Variants in WNK1 observed in about 807,000 individuals in gnomAD.
WNK1 encodes the protein WNK lysine deficient protein kinase 1, also known as serine/threonine-protein kinase WNK1.
In WNK1, 38 loss-of-function variants were observed where a neutral mutation model predicts 222.8. That is an observed-to-expected ratio of 0.17 (90% confidence interval 0.13 to 0.22). The LOEUF (loss-of-function observed/expected upper bound fraction) is 0.22, where lower values mean the gene tolerates loss of function less well. Among genes scored for constraint, WNK1 ranks in the 10% least tolerant of loss-of-function variants. The pLI, the probability that WNK1 is intolerant of heterozygous loss-of-function variation, is 1.00. For synonymous variants in WNK1, 1,090 were observed against 1,092.9 expected (o/e 1.00, Z 0.05); for missense variants, 2,348 against 2,918.4 (o/e 0.80, Z 4.50).
chr12:834,800 A>G (rs1949056367), intron 4 of WNK1, among the ~76,000 whole-genome samples: 1 of 152,170 alleles, frequency 6.6e-6, no homozygotes, highest in Admixed American at 6.5e-5. Context: ...GTGTAGAATG[A>G]AAGATGGCCT....
intron 1 of WNK1, among the ~76,000 whole-genome samples, chr12:770,709 G>A (rs1942372973): frequency 6.6e-6 from 1 of 152,082 alleles, no homozygotes; most frequent in African/African-American, 2.4e-5. Flanking sequence ...CAGAAATTTG[G>A]GGTTTTAAAC....
At chr12:757,706 C>T (rs1659706963) in intron 1 of WNK1, among the ~76,000 whole-genome samples, 1 of 121,130 alleles carries the variant, frequency 8.3e-6, no homozygotes, top group African/African-American at 2.6e-5. Context: ...AGAAAGGGAT[C>T]TGGTTTTTCA....
intron 9 of WNK1, among the ~76,000 whole-genome samples, chr12:872,021 C>T (rs1366842409): frequency 6.6e-6 from 1 of 152,198 alleles, no homozygotes; most frequent in Admixed American, 6.5e-5. Flanking sequence ...TAATCCTGCA[C>T]TTCTTTTTAA....
At position 832,685 on chromosome 12, in the gene WNK1, A is replaced by C. The variant is rs905144724; in HGVS notation, c.1311+2525A>C. Among the ~76,000 whole-genome samples the C allele has an allele frequency of 7.9e-5, 12 of 152,212 alleles. No individual in the cohort carries two copies. In the East Asian group the frequency reaches 2.3e-3, roughly 29 times the overall value. On this transcript the variant is annotated intron_variant, in intron 4 of 27. Coordinates refer to ENST00000315939, the MANE Select transcript of WNK1 (RefSeq NM_018979.4). ...TTTGTAATTGGGATGGTATTTTGTC[A>C]GTTATTATTATTAGGTGTATGTCTA...
intron 26 of WNK1, chr12:906,337 A>G: frequency 6.1e-6 from 6 of 985,296 alleles, no homozygotes; most frequent in Non-Finnish European, 7.2e-6. Flanking sequence ...AGCAGAGCCG[A>G]AATCAGGCAG....
intron 4 of WNK1, among the ~76,000 whole-genome samples, chr12:850,263 A>T (rs1312934876): frequency 6.6e-6 from 1 of 151,912 alleles, no homozygotes; most frequent in Non-Finnish European, 1.5e-5. Flanking sequence ...CGCCATTCTA[A>T]CTGGTGTGAG....
At chr12:873,943 G>A (rs1952387934) in intron 9 of WNK1, among the ~76,000 whole-genome samples, 1 of 151,910 alleles carries the variant, frequency 6.6e-6, no homozygotes, top group South Asian at 2.1e-4. Context: ...CTCGTATAGT[G>A]ATATACTAGA....
chr12:781,087 T>C (rs1279378704), intron 1 of WNK1: 1 of 142,264 alleles, frequency 7.0e-6, no homozygotes, highest in African/African-American at 2.5e-5. Context: ...AGCTGTTTTT[T>C]GTTTTATTTC....
chr12:871,892 C>T (rs1952185502), intron 9 of WNK1, among the ~76,000 whole-genome samples: 1 of 152,104 alleles, frequency 6.6e-6, no homozygotes, highest in Non-Finnish European at 1.5e-5. Flanking sequence ...CATGCGCCAC[C>T]TCACCCAGCC....
Position 867,100 on chromosome 12 carries a change from G to A in WNK1, c.2140-4165G>A, listed in dbSNP as rs565583487. Among the ~76,000 whole-genome samples, 15 of 152,234 alleles carry A rather than the reference G, an allele frequency of 9.9e-5. No homozygotes were observed. The East Asian group carries it at 1.5e-3, about 16-fold the overall frequency. ...ATTGTCACTGCACTCCAGCCTGGGC[G>A]AAAGAGGAAGACTCCATCTCAAAAA... On this transcript the variant is annotated intron_variant, in intron 8 of 27. Transcript: ENST00000315939.
chr12:773,172 C>A (rs1278926533), intron 1 of WNK1, among the ~76,000 whole-genome samples: 3 of 152,044 alleles, frequency 2.0e-5, no homozygotes, highest in Non-Finnish European at 2.9e-5. Flanking sequence ...GCAGGAGAAT[C>A]GCTTGAACCC....
chr12:853,596 T>C (rs1950556963), intron 4 of WNK1, among the ~76,000 whole-genome samples: 1 of 152,214 alleles, frequency 6.6e-6, no homozygotes. Context: ...CAGTTCACAC[T>C]GAATGTCTTT....
chr12:908,874 T>C lies in WNK1; in HGVS notation c.*82T>C, dbSNP rs1160178226. ...GGGTGGGGGTGGGAAGTAGCCTATA[T>C]ACTAACTACTAGTGCTGCATTTAAC... is the stretch of plus-strand genomic sequence containing the variant. On this transcript the variant is annotated 3_prime_UTR_variant, in exon 28 of 28. Coordinates refer to ENST00000315939, the MANE Select transcript of WNK1 (RefSeq NM_018979.4). 1 of 1,331,314 alleles carries C rather than the reference T, an allele frequency of 7.5e-7. No individual in the cohort carries two copies. Among genetic ancestry groups the C allele is most frequent in the Non-Finnish European group, 1.1e-6 (1 of 943,912 alleles). The allele number at this position is 1,331,314 out of a possible 1,614,324, so 82.5% of individuals were successfully genotyped here.
chr12:828,742 C>T (rs897515551), intron 3 of WNK1, among the ~76,000 whole-genome samples: 5 of 152,148 alleles, frequency 3.3e-5, no homozygotes, highest in Non-Finnish European at 7.4e-5. Context: ...AATTTAATGC[C>T]TATTTTGATA....
At chr12:886,570 T>G (rs1479352733) in intron 19 of WNK1, among the ~76,000 whole-genome samples, 1 of 152,130 alleles carries the variant, frequency 6.6e-6, no homozygotes, top group Non-Finnish European at 1.5e-5. Context: ...AATAATCTAA[T>G]CCTAGGACTG....
At chr12:760,876 C>T (rs1260830179) in intron 1 of WNK1, among the ~76,000 whole-genome samples, 2 of 146,054 alleles carry the variant, frequency 1.4e-5, no homozygotes, top group Non-Finnish European at 3.0e-5. Context: ...TGTGTTCAAG[C>T]GATTCTCCTG....
At chr12:835,061 G>T (rs1480178427) in intron 4 of WNK1, among the ~76,000 whole-genome samples, 1 of 152,230 alleles carries the variant, frequency 6.6e-6, no homozygotes, top group Non-Finnish European at 1.5e-5. Flanking sequence ...GCTCACGCCT[G>T]TAATCCCAGC....
intron 20 of WNK1, 50 bp downstream of exon 20, chr12:887,354 A>G: frequency 1.9e-6 from 3 of 1,580,052 alleles, no homozygotes; most frequent in Non-Finnish European, 1.7e-6. Context: ...TTCTTTGACA[A>G]AGCTTGCTGA....
At chr12:842,166 A>G (rs2154042972) in intron 4 of WNK1, among the ~76,000 whole-genome samples, 1 of 152,318 alleles carries the variant, frequency 6.6e-6, no homozygotes, top group Admixed American at 6.5e-5. Context: ...GGAGAGTTGT[A>G]TTTACTCTGT....
Sources: gnomAD v4.1 joint callset for allele counts (sites outside exome capture counted in the v4.1 genomes callset) on GRCh38, gnomAD v4.1.1 for gene constraint, MANE v1.5 for transcripts, NCBI Gene and HGNC (gene_info 2026-07-23, HGNC 2026-07-21) for gene names.